Variants in ZZEF1 observed in about 807,000 individuals in gnomAD.
ZZEF1 encodes zinc finger ZZ-type and EF-hand domain-containing protein 1.
Under a neutral mutation model 342.8 loss-of-function variants are expected in ZZEF1, and 157 were observed. The observed-to-expected ratio is 0.46, with a 90% CI of 0.40 to 0.52. The LOEUF (loss-of-function observed/expected upper bound fraction) is 0.52, where lower values mean the gene tolerates loss of function less well. Among genes scored for constraint, ZZEF1 ranks in the 20% least tolerant of loss-of-function variants. ZZEF1 has a pLI of 0.00. For missense variants in ZZEF1, 3,480 were observed against 3,725.6 expected (o/e 0.93, Z 1.72); for synonymous variants, 1,505 against 1,429.1 (o/e 1.05, Z -1.20).
intron 42 of ZZEF1, among the ~76,000 whole-genome samples, chr17:4,031,576 G>A (rs1340158672): frequency 1.3e-5 from 2 of 152,142 alleles, no homozygotes; most frequent in African/African-American, 2.4e-5. Flanking sequence ...AAACAGCACA[G>A]ACACTGCCTA....
chr17:4,020,983 A>G, intron 45 of ZZEF1, 146 bp downstream of exon 45: 1 of 785,846 alleles, frequency 1.3e-6, no homozygotes, highest in South Asian at 2.6e-5. Context: ...TCAATTCTGC[A>G]CAACATAAGA....
intron 26 of ZZEF1, 97 bp downstream of exon 26, chr17:4,070,587 T>A (rs2145269182): frequency 1.5e-6 from 2 of 1,362,490 alleles, no homozygotes; most frequent in South Asian, 3.0e-5. Flanking sequence ...GAAATGTGTT[T>A]ATATTTTAAA....
intron 30 of ZZEF1, among the ~76,000 whole-genome samples, chr17:4,062,348 A>G (rs1720902406): frequency 6.6e-6 from 1 of 151,320 alleles, no homozygotes. Context: ...CTACTGCTGC[A>G]TAACACCCAG....
chr17:4,085,837 T>C (rs2057808904), intron 15 of ZZEF1, 34 bp from the exon 16 acceptor site: 6 of 1,610,222 alleles, frequency 3.7e-6, no homozygotes, highest in South Asian at 1.1e-5. Context: ...AGCTTTCATA[T>C]ATTCCATCTA....
chr17:4,064,881 G>A (rs1429261010), intron 28 of ZZEF1, 52 bp from the exon 29 acceptor site: 3 of 1,315,082 alleles, frequency 2.3e-6, no homozygotes, highest in Non-Finnish European at 3.1e-6. Flanking sequence ...AAAATTATGG[G>A]GGAGGGGGAG....
At chr17:4,088,284 AT>A (rs1222333160) in intron 13 of ZZEF1, among the ~76,000 whole-genome samples, 1 of 152,158 alleles carries the variant, frequency 6.6e-6, no homozygotes, top group Non-Finnish European at 1.5e-5. Flanking sequence ...TCCTGCCATT[AT>A]TTTCGTATTT....
At chr17:4,134,352 T>TTA (rs141346270) in intron 1 of ZZEF1, among the ~76,000 whole-genome samples, 21,591 of 144,818 alleles carry the variant, frequency 0.15, 1,793 homozygotes, top group African/African-American at 0.22. Flanking sequence ...TTATATATAT[T>TTA]TATATATATA....
At chr17:4,066,741 C>T (rs1163270086) in intron 27 of ZZEF1, among the ~76,000 whole-genome samples, 1 of 152,070 alleles carries the variant, frequency 6.6e-6, no homozygotes, top group Non-Finnish European at 1.5e-5. Flanking sequence ...TTCTCTAAAG[C>T]CTATCTAGTA....
At position 4,109,771 on chromosome 17, in the gene ZZEF1, ACTT is replaced by A; in HGVS notation, c.1156_1158del (p.Lys386del). On this transcript the variant is annotated inframe_deletion, in exon 6 of 55. Transcript: ENST00000381638. ...GAAGCATCTGAGACTGAGACCCCAG[ACTT>A]CTTAACTCTCTGAAAGCCAACAGCC... 6.2e-7 allele frequency: 1 copy of A among 1,614,180 alleles called. No homozygotes were observed. The highest frequency in any genetic ancestry group is 8.5e-7 in the Non-Finnish European group (1 of 1,180,034).
At chr17:4,034,331 C>T in intron 39 of ZZEF1, 39 bp from the exon 40 acceptor site, 1 of 1,603,864 alleles carries the variant, frequency 6.2e-7, no homozygotes, top group Non-Finnish European at 8.5e-7. Context: ...AGTACAAAAT[C>T]CACATAACCA....
intron 6 of ZZEF1, among the ~76,000 whole-genome samples, chr17:4,107,215 G>A (rs192081274): frequency 6.6e-6 from 1 of 152,280 alleles, no homozygotes; most frequent in East Asian, 1.9e-4. Context: ...AAAGGCAGGA[G>A]TGCATGAAAA....
At chr17:4,074,115 T>C (rs1266327771) in intron 24 of ZZEF1, 35 bp downstream of exon 24, 5 of 1,607,892 alleles carry the variant, frequency 3.1e-6, no homozygotes, top group South Asian at 2.2e-5. Context: ...TTCACCGTGG[T>C]TGTAAGAAGG....
At chr17:4,024,186 GTTTTTTT>G (rs754985234) in intron 43 of ZZEF1, among the ~76,000 whole-genome samples, 50 of 94,428 alleles carry the variant, frequency 5.3e-4, no homozygotes, top group South Asian at 1.5e-3. Context: ...TATTGCCCAG[GTTTTTTT>G]TTTTTTTTTT....
intron 42 of ZZEF1, among the ~76,000 whole-genome samples, chr17:4,030,167 C>A (rs77275259): frequency 2.6e-3 from 400 of 152,084 alleles, no homozygotes; most frequent in African/African-American, 9.0e-3. Context: ...ATGAATGATA[C>A]CAAAGTTGGT....
At chr17:4,080,136 GATCTAGA>G (rs1230918540) in intron 18 of ZZEF1, among the ~76,000 whole-genome samples, 2 of 152,086 alleles carry the variant, frequency 1.3e-5, no homozygotes, top group African/African-American at 2.4e-5. Flanking sequence ...CTTAGGGTGG[GATCTAGA>G]AATCTTTTTT....
chr17:4,140,840 T>A (rs1466653452), intron 1 of ZZEF1, among the ~76,000 whole-genome samples: 1 of 151,622 alleles, frequency 6.6e-6, no homozygotes, highest in East Asian at 1.9e-4. Context: ...TACGCGTAGA[T>A]ACTAGAAAGA....
intron 5 of ZZEF1, among the ~76,000 whole-genome samples, chr17:4,111,378 G>A (rs2145482783): frequency 6.6e-6 from 1 of 152,120 alleles, no homozygotes; most frequent in African/African-American, 2.4e-5. Flanking sequence ...TATTTTTAAT[G>A]GGCCAGTGCA....
chr17:4,091,715 T>G (rs1196224979), intron 11 of ZZEF1, among the ~76,000 whole-genome samples: 14 of 151,068 alleles, frequency 9.3e-5, no homozygotes, highest in Admixed American at 2.6e-4. Context: ...AGGTGGAGGT[T>G]GCAGTGAACT....
intron 4 of ZZEF1, among the ~76,000 whole-genome samples, chr17:4,113,642 G>A (rs778778656): frequency 6.6e-6 from 1 of 151,378 alleles, no homozygotes; most frequent in African/African-American, 2.4e-5. Context: ...TCCAGCCTGG[G>A]CGTCAGAGCA....
Sources: gnomAD v4.1 joint callset for allele counts (sites outside exome capture counted in the v4.1 genomes callset) on GRCh38, gnomAD v4.1.1 for gene constraint, MANE v1.5 for transcripts, NCBI Gene and HGNC (gene_info 2026-07-23, HGNC 2026-07-21) for gene names.